Variants in ACSF3 observed in about 807,000 individuals in gnomAD.
ACSF3 encodes acyl-CoA synthetase family member 3, also known as malonate--CoA ligase ACSF3, mitochondrial.
A neutral mutation model predicts 53.2 loss-of-function variants in ACSF3; 78 were observed. The ratio of observed to expected loss-of-function variants is 1.47; its 90% CI spans 1.22 to 1.77. The LOEUF (loss-of-function observed/expected upper bound fraction) is 1.77, where lower values mean the gene tolerates loss of function less well. Ranked by LOEUF, ACSF3 falls within the 40% of genes most tolerant of loss-of-function variation. The pLI, the probability that ACSF3 is intolerant of heterozygous loss-of-function variation, is 0.00. For missense variants in ACSF3, 937 were observed against 771.1 expected (o/e 1.22, Z -2.55); for synonymous variants, 414 against 333.1 (o/e 1.24, Z -2.65).
chr16:89,146,021 T>C lies in ACSF3; in HGVS notation c.1585T>C (p.Ser529Pro). ...GACCCTCCGAGAAGGACACTCACTG[T>C]CCCACAGGGAGCTCAAAGAGTGGGC... Reference protein sequence around the residue: ...VVTLREGHSLSHRELKEWARN... With the variant: ...VVTLREGHSLPHRELKEWARN... The change falls in exon 10 of 11, where the codon TCC becomes CCC. Residue 529 changes from serine (S) to proline (P), a missense_variant. Physicochemically the swap from Ser to Pro is moderately conservative, Grantham distance 74. Coordinates refer to ENST00000614302, the MANE Select transcript of ACSF3 (RefSeq NM_001243279.3). 1 of 1,248,248 alleles carries C rather than the reference T, an allele frequency of 8.0e-7. No individual in the cohort carries two copies. Among genetic ancestry groups the C allele is most frequent in the Non-Finnish European group, 1.1e-6 (1 of 924,532 alleles). The allele number at this position is 1,248,248 out of a possible 1,614,324, so 77.3% of individuals were successfully genotyped here.
intron 6 of ACSF3, chr16:89,114,768 G>C: frequency 4.0e-6 from 2 of 505,776 alleles, no homozygotes; most frequent in Non-Finnish European, 7.3e-6. Flanking sequence ...AGCAATGCCT[G>C]GAATGCAGGC....
chr16:89,136,020 C>T (rs931398154), intron 8 of ACSF3, among the ~76,000 whole-genome samples: 27 of 152,264 alleles, frequency 1.8e-4, no homozygotes, highest in Non-Finnish European at 2.8e-4. Context: ...GGTGATCCGC[C>T]CGCCTCGGCC....
At chr16:89,102,474 G>C in intron 3 of ACSF3, 130 bp from the exon 4 acceptor site, 1 of 1,085,750 alleles carries the variant, frequency 9.2e-7, no homozygotes, top group Non-Finnish European at 1.4e-6. Context: ...GAGCAACAAA[G>C]AGCCAGCCTT....
At chr16:89,123,627 G>A (rs536048821) in intron 7 of ACSF3, among the ~76,000 whole-genome samples, 77 of 152,328 alleles carry the variant, frequency 5.1e-4, no homozygotes, top group Non-Finnish European at 9.0e-4. Context: ...CCTGTGGAGT[G>A]ACTCATGACT....
At chr16:89,143,469 C>G (rs1912279761) in intron 8 of ACSF3, among the ~76,000 whole-genome samples, 2 of 152,026 alleles carry the variant, frequency 1.3e-5, no homozygotes, top group Admixed American at 6.5e-5. Flanking sequence ...GGCAGCCTCC[C>G]TGGTGTCAGC....
At chr16:89,132,268 C>G (rs1352299240) in intron 7 of ACSF3, among the ~76,000 whole-genome samples, 1 of 152,236 alleles carries the variant, frequency 6.6e-6, no homozygotes, top group Non-Finnish European at 1.5e-5. Context: ...CACAGCCAGT[C>G]ACTTTCACAG....
intron 10 of ACSF3, chr16:89,151,531 C>G (rs531205760): frequency 3.9e-6 from 1 of 258,696 alleles, no homozygotes; most frequent in African/African-American, 2.3e-5. Flanking sequence ...AAAGACAACA[C>G]GTCATGATCA....
At chr16:89,102,431 G>C (rs1025611077) in intron 3 of ACSF3, 173 bp from the exon 4 acceptor site, 6 of 729,402 alleles carry the variant, frequency 8.2e-6, no homozygotes, top group Non-Finnish European at 1.2e-5. Context: ...ATCTGCTGTG[G>C]TTTTGTCGTC....
intron 10 of ACSF3, chr16:89,150,036 T>TG (rs1232577066): frequency 1.3e-5 from 2 of 152,256 alleles, no homozygotes; most frequent in Non-Finnish European, 2.9e-5. Flanking sequence ...GAAGCATGGC[T>TG]GGGGAGGCCT....
chr16:89,129,143 A>G (rs1422343950), intron 7 of ACSF3, among the ~76,000 whole-genome samples: 1 of 152,090 alleles, frequency 6.6e-6, no homozygotes, highest in Non-Finnish European at 1.5e-5. Context: ...CGTTTTAGGA[A>G]ATGTCTGTTC....
intron 5 of ACSF3, among the ~76,000 whole-genome samples, chr16:89,112,901 T>G (rs1161100405): frequency 6.6e-6 from 1 of 152,222 alleles, no homozygotes; most frequent in Non-Finnish European, 1.5e-5. Flanking sequence ...CTGGGGCACG[T>G]TCTGCTGCTT....
chr16:89,101,355 C>G lies in ACSF3; in HGVS notation c.666+8C>G, dbSNP rs988418127. ...CAAAACATCAGGGCTGTGGTGAGTG[C>G]CGCCTGGCGCCGTGATGGTTTCGGT... is the stretch of plus-strand genomic sequence containing the variant. On this transcript the variant is annotated splice_region_variant and intron_variant, in intron 3 of 10. Transcript: ENST00000614302. The G allele has an allele frequency of 6.4e-7, 1 of 1,569,800 alleles. No individual in the cohort carries two copies. The highest frequency in any genetic ancestry group is 1.4e-5 in the African/African-American group (1 of 73,836).
chr16:89,150,533 C>T (rs61501852), intron 10 of ACSF3: 10,890 of 169,064 alleles, frequency 0.064, 872 homozygotes, highest in East Asian at 0.36. Flanking sequence ...GACACCAGGC[C>T]GCCTGCTCCT....
chr16:89,101,470 G>A, intron 3 of ACSF3, 123 bp downstream of exon 3: 2 of 1,525,640 alleles, frequency 1.3e-6, no homozygotes, highest in East Asian at 2.4e-5. Context: ...TCACCATCCT[G>A]CAGACCCGTG....
At chr16:89,131,976 C>T (rs1416414164) in intron 7 of ACSF3, among the ~76,000 whole-genome samples, 1 of 152,198 alleles carries the variant, frequency 6.6e-6, no homozygotes, top group Non-Finnish European at 1.5e-5. Flanking sequence ...GGGTTGGCAG[C>T]CCCGTCATCA....
At position 89,112,795 on chromosome 16, in the gene ACSF3, C is replaced by T. The variant is rs192663633; in HGVS notation, c.977+549C>T. On this transcript the variant is annotated intron_variant, in intron 5 of 10. Transcript: ENST00000614302. ...CAAGGGTGAGGACAGTGAGCTGACC[C>T]GCTTGCTCCTGCTTCATCTGCCCAC... Among the ~76,000 whole-genome samples, 12 of 152,356 alleles carry T rather than the reference C, an allele frequency of 7.9e-5. No individual in the cohort carries two copies. The East Asian group carries it at 1.9e-3, about 24-fold the overall frequency.
intron 1 of ACSF3, among the ~76,000 whole-genome samples, chr16:89,096,838 C>T (rs573774102): frequency 1.3e-5 from 2 of 152,326 alleles, no homozygotes; most frequent in East Asian, 1.9e-4. Context: ...CTCCTCATAG[C>T]GCGTGGGCTC....
chr16:89,099,532 A>G (rs1049871620), intron 2 of ACSF3, among the ~76,000 whole-genome samples: 21 of 152,230 alleles, frequency 1.4e-4, no homozygotes, highest in African/African-American at 4.1e-4. Flanking sequence ...TGTAATTTCA[A>G]CACTTTGGGA....
chr16:89,099,286 G>C (rs1200862491), intron 2 of ACSF3, among the ~76,000 whole-genome samples: 3 of 152,250 alleles, frequency 2.0e-5, no homozygotes, highest in African/African-American at 4.8e-5. Context: ...GGGCCCACAG[G>C]CGGAGGCACC....
Sources: gnomAD v4.1 joint callset for allele counts (sites outside exome capture counted in the v4.1 genomes callset) on GRCh38, gnomAD v4.1.1 for gene constraint, MANE v1.5 for transcripts, NCBI Gene and HGNC (gene_info 2026-07-23, HGNC 2026-07-21) for gene names.